Variants in PHACTR1 observed in about 807,000 individuals in gnomAD.
The protein encoded by PHACTR1 is phosphatase and actin regulator 1, also known as RPEL repeat containing 1.
PHACTR1 carries 16 observed loss-of-function variants against 69.2 expected under a neutral mutation model. The ratio of observed to expected loss-of-function variants is 0.23; its 90% confidence interval spans 0.16 to 0.35. The LOEUF is 0.35. PHACTR1 is among the 10% of genes least tolerant of loss of function. The probability of loss-of-function intolerance (pLI) is 1.00; values close to 1 mark genes in which losing one functional copy is unlikely to be tolerated. For missense variants in PHACTR1, 510 were observed against 734.7 expected (o/e 0.69, Z 3.54); for synonymous variants, 312 against 284.5 (o/e 1.10, Z -0.97).
At chr6:13,134,945 C>T (rs935835145) in intron 5 of PHACTR1, among the ~76,000 whole-genome samples, 1 of 152,154 alleles carries the variant, frequency 6.6e-6, no homozygotes, top group African/African-American at 2.4e-5. Flanking sequence ...AACCCCTTCT[C>T]GCTATTTCCA....
intron 4 of PHACTR1, among the ~76,000 whole-genome samples, chr6:12,915,746 A>G (rs947657361): frequency 3.9e-5 from 6 of 152,152 alleles, no homozygotes; most frequent in Non-Finnish European, 7.3e-5. Context: ...AATCTTGCTA[A>G]CAACTTAGCA....
chr6:13,240,910 G>A (rs1411595861), intron 10 of PHACTR1, among the ~76,000 whole-genome samples: 5 of 152,216 alleles, frequency 3.3e-5, no homozygotes, highest in Non-Finnish European at 5.9e-5. Context: ...AACCCTGCAA[G>A]GTGGCCGCTA....
chr6:12,888,468 T>A (rs1339741156), intron 4 of PHACTR1, among the ~76,000 whole-genome samples: 1 of 152,212 alleles, frequency 6.6e-6, no homozygotes, highest in Non-Finnish European at 1.5e-5. Context: ...CAGAAAAGTT[T>A]TGAATGGAAA....
At chr6:12,786,421 A>C (rs1581741865) in intron 4 of PHACTR1, among the ~76,000 whole-genome samples, 1 of 152,256 alleles carries the variant, frequency 6.6e-6, no homozygotes, top group African/African-American at 2.4e-5. Context: ...ATGCAGATTA[A>C]TACAGTCCAG....
intron 4 of PHACTR1, among the ~76,000 whole-genome samples, chr6:12,762,565 A>G (rs1373808049): frequency 1.3e-5 from 2 of 152,152 alleles, no homozygotes; most frequent in African/African-American, 4.8e-5. Context: ...TTAACCTATC[A>G]CGTAAGAAGT....
chr6:13,020,933 C>T (rs936034196), intron 4 of PHACTR1, among the ~76,000 whole-genome samples: 1 of 152,142 alleles, frequency 6.6e-6, no homozygotes, highest in African/African-American at 2.4e-5. Flanking sequence ...TGGGATACCA[C>T]ACTAAGGAGC....
At chr6:12,952,278 G>T (rs1192151704) in intron 4 of PHACTR1, among the ~76,000 whole-genome samples, 1 of 152,184 alleles carries the variant, frequency 6.6e-6, no homozygotes. Flanking sequence ...CACTCTTGGT[G>T]CTGAACATTC....
chr6:12,873,992 C>T (rs1782306991), intron 4 of PHACTR1, among the ~76,000 whole-genome samples: 1 of 152,218 alleles, frequency 6.6e-6, no homozygotes, highest in South Asian at 2.1e-4. Flanking sequence ...TCTTACAAGG[C>T]TGGTTTATGT....
chr6:13,043,595 G>C (rs1200195530), intron 4 of PHACTR1, among the ~76,000 whole-genome samples: 1 of 152,250 alleles, frequency 6.6e-6, no homozygotes, highest in African/African-American at 2.4e-5. Context: ...GTCTACTGCT[G>C]CTTTTACAGT....
chr6:12,781,568 C>A (rs562193118), intron 4 of PHACTR1, among the ~76,000 whole-genome samples: 2 of 152,314 alleles, frequency 1.3e-5, no homozygotes, highest in African/African-American at 4.8e-5. Context: ...TGGAAAGGAA[C>A]AGAGGCTCAA....
chr6:13,235,301 T>C (rs1720260478), intron 10 of PHACTR1, among the ~76,000 whole-genome samples: 1 of 152,212 alleles, frequency 6.6e-6, no homozygotes, highest in Non-Finnish European at 1.5e-5. Flanking sequence ...TATGGGATCT[T>C]AGCCATCAGA....
intron 3 of PHACTR1, among the ~76,000 whole-genome samples, chr6:12,721,016 G>C (rs1762052548): frequency 6.6e-6 from 1 of 152,178 alleles, no homozygotes; most frequent in African/African-American, 2.4e-5. Context: ...AACAGTGTCT[G>C]CCACATAAGA....
chr6:12,859,212 G>T (rs911849542), intron 4 of PHACTR1, among the ~76,000 whole-genome samples: 1 of 152,010 alleles, frequency 6.6e-6, no homozygotes, highest in Non-Finnish European at 1.5e-5. Flanking sequence ...AATAATGGCT[G>T]GTTTTAAACC....
intron 11 of PHACTR1, among the ~76,000 whole-genome samples, chr6:13,277,196 C>A (rs1048060209): frequency 6.6e-6 from 1 of 152,176 alleles, no homozygotes; most frequent in African/African-American, 2.4e-5. Context: ...GATTCTCTGC[C>A]CTTCAAGTAT....
At chr6:12,896,742 A>G (rs1043352936) in intron 4 of PHACTR1, among the ~76,000 whole-genome samples, 1 of 152,210 alleles carries the variant, frequency 6.6e-6, no homozygotes, top group Non-Finnish European at 1.5e-5. Context: ...AACTACAGTG[A>G]ATTGACGGTT....
chr6:12,971,149 G>A (rs72820849), intron 4 of PHACTR1, among the ~76,000 whole-genome samples: 3,092 of 152,292 alleles, frequency 0.02, 52 homozygotes, highest in South Asian at 0.045. Flanking sequence ...ACCCACTCAT[G>A]TCCCAGGGCT....
intron 8 of PHACTR1, among the ~76,000 whole-genome samples, chr6:13,223,505 A>C (rs921512374): frequency 1.3e-5 from 2 of 152,136 alleles, no homozygotes; most frequent in African/African-American, 4.8e-5. Context: ...AATAGTTATA[A>C]ATAATGATGC....
At chr6:12,806,339 C>A (rs1254817697) in intron 4 of PHACTR1, among the ~76,000 whole-genome samples, 1 of 152,236 alleles carries the variant, frequency 6.6e-6, no homozygotes, top group Non-Finnish European at 1.5e-5. Context: ...TTCTCTTTTT[C>A]TCTCCTACTA....
At chr6:12,934,329 C>CTA in intron 4 of PHACTR1, among the ~76,000 whole-genome samples, 1 of 152,304 alleles carries the variant, frequency 6.6e-6, no homozygotes, top group Middle Eastern at 3.4e-3. Context: ...TTGACTATAT[C>CTA]TATAAAGACG....
Sources: gnomAD v4.1 joint callset for allele counts (sites outside exome capture counted in the v4.1 genomes callset) on GRCh38, gnomAD v4.1.1 for gene constraint, MANE v1.5 for transcripts, NCBI Gene and HGNC (gene_info 2026-07-23, HGNC 2026-07-21) for gene names.